HS3ST4: variants seen among roughly 807,000 people sequenced by gnomAD.
HS3ST4 encodes the protein heparan sulfate-glucosamine 3-sulfotransferase 4, also known as heparan sulfate glucosamine 3-O-sulfotransferase 4.
In HS3ST4, 17 loss-of-function variants were observed where a neutral mutation model predicts 29.2. That is an observed-to-expected ratio of 0.58 (90% CI 0.40 to 0.87). The LOEUF is 0.87. HS3ST4 is among the 40% of genes least tolerant of loss of function. The pLI is 0.00. For missense variants in HS3ST4, 627 were observed against 634.5 expected (o/e 0.99, Z 0.13); for synonymous variants, 314 against 285.7 (o/e 1.10, Z -1.00).
At chr16:25,942,235 T>C (rs1433637482) in intron 1 of HS3ST4, among the ~76,000 whole-genome samples, 1 of 152,068 alleles carries the variant, frequency 6.6e-6, no homozygotes, top group African/African-American at 2.4e-5. Context: ...AAACAAGAGA[T>C]GATGGGATAT....
At chr16:26,099,753 T>C (rs1019627077) in intron 1 of HS3ST4, among the ~76,000 whole-genome samples, 8 of 152,150 alleles carry the variant, frequency 5.3e-5, no homozygotes, top group African/African-American at 1.7e-4. Context: ...GCTTACATTC[T>C]AGTAGGCGTG....
At chr16:25,942,307 G>A (rs1380376144) in intron 1 of HS3ST4, among the ~76,000 whole-genome samples, 1 of 152,160 alleles carries the variant, frequency 6.6e-6, no homozygotes, top group Admixed American at 6.5e-5. Flanking sequence ...AGAATTCTTG[G>A]AAGAAGTGAG....
At chr16:25,808,326 G>C (rs1271111998) in intron 1 of HS3ST4, among the ~76,000 whole-genome samples, 1 of 152,176 alleles carries the variant, frequency 6.6e-6, no homozygotes, top group Non-Finnish European at 1.5e-5. Flanking sequence ...GTTTAAGTCT[G>C]TGTTTGTATT....
intron 1 of HS3ST4, among the ~76,000 whole-genome samples, chr16:25,794,938 C>T (rs1254781311): frequency 2.3e-5 from 3 of 132,618 alleles, no homozygotes; most frequent in Admixed American, 7.5e-5. Flanking sequence ...CACACACACA[C>T]ATATATATTC....
intron 1 of HS3ST4, among the ~76,000 whole-genome samples, chr16:25,749,005 G>C (rs1050039878): frequency 6.6e-6 from 1 of 152,090 alleles, no homozygotes; most frequent in Non-Finnish European, 1.5e-5. Flanking sequence ...TCCAGAGTTC[G>C]CCTATAGATG....
At position 25,861,679 on chromosome 16, in the gene HS3ST4, A is replaced by C. The variant is rs182963329; in HGVS notation, c.734+168528A>C. Among the ~76,000 whole-genome samples the C allele has an allele frequency of 2.0e-3, 301 of 152,266 alleles. 2 individuals carry two copies. The highest frequency in any genetic ancestry group is 6.8e-3 in the Middle Eastern group (2 of 294). On this transcript the variant is annotated intron_variant, in intron 1 of 1. Transcript: ENST00000331351. ...CCTTTACACTCCCTCAAATAACTCA[A>C]TCAAGACCACAGTTCCTTCCCTTTC... is the stretch of plus-strand genomic sequence containing the variant.
At chr16:26,124,385 G>C (rs1230018669) in intron 1 of HS3ST4, among the ~76,000 whole-genome samples, 2 of 151,820 alleles carry the variant, frequency 1.3e-5, no homozygotes, top group African/African-American at 4.8e-5. Flanking sequence ...TCAGTATAGT[G>C]ACCTTGGTTT....
chr16:25,692,512 C>T lies in HS3ST4; in HGVS notation c.95C>T (p.Ala32Val), dbSNP rs763197042. Residue 32 changes from alanine (A) to valine (V), a missense_variant, in exon 1 of 2, where the codon GCG becomes GTG. Physicochemically the swap from Ala to Val is moderately conservative, Grantham distance 64. This residue lies in a region of HS3ST4 where 402 missense variants were observed against 340.8 expected (regional missense o/e 1.18). Transcript: ENST00000331351. ...PPGASAKGPPARKLLFMCTLS... is the reference protein window; with the variant it reads ...PPGASAKGPPVRKLLFMCTLS... ...GGCGCCTCTGCTAAGGGGCCGCCGG[C>T]GCGCAAGCTGCTTTTTATGTGCACC... 8 of 1,420,568 alleles carry T rather than the reference C, an allele frequency of 5.6e-6. No individual in the cohort carries two copies. The highest frequency in any genetic ancestry group is 6.5e-6 in the Non-Finnish European group (7 of 1,074,896). The allele number at this position is 1,420,568 out of a possible 1,614,324, so 88.0% of individuals were successfully genotyped here. A position where few individuals can be genotyped will look rare whatever the true frequency, so the allele number is the denominator to read the frequency against.
intron 1 of HS3ST4, among the ~76,000 whole-genome samples, chr16:25,754,026 T>C (rs1966739358): frequency 6.6e-6 from 1 of 152,162 alleles, no homozygotes; most frequent in Non-Finnish European, 1.5e-5. Context: ...GACAATAATG[T>C]AATAATTATT....
chr16:26,040,911 C>T (rs4559915), intron 1 of HS3ST4, among the ~76,000 whole-genome samples: 24,625 of 151,968 alleles, frequency 0.16, 2,142 homozygotes, highest in Middle Eastern at 0.28. Flanking sequence ...CTCTGTTTTG[C>T]AGATAAGCAG....
At chr16:25,786,172 A>G (rs1033229854) in intron 1 of HS3ST4, among the ~76,000 whole-genome samples, 14 of 152,010 alleles carry the variant, frequency 9.2e-5, no homozygotes, top group African/African-American at 2.9e-4. Context: ...GTCTGGGGGG[A>G]AATGAGGAAA....
chr16:25,789,992 G>A (rs2141619258), intron 1 of HS3ST4, among the ~76,000 whole-genome samples: 1 of 152,258 alleles, frequency 6.6e-6, no homozygotes, highest in East Asian at 1.9e-4. Flanking sequence ...AATGCTTCTA[G>A]GTTTTGGCTA....
intron 1 of HS3ST4, among the ~76,000 whole-genome samples, chr16:25,941,648 C>G (rs1968573284): frequency 6.6e-6 from 1 of 152,120 alleles, no homozygotes; most frequent in South Asian, 2.1e-4. Context: ...GCAATCTCGG[C>G]TCACTGCAAG....
At chr16:25,765,857 G>A (rs1374775225) in intron 1 of HS3ST4, among the ~76,000 whole-genome samples, 5 of 152,160 alleles carry the variant, frequency 3.3e-5, no homozygotes, top group African/African-American at 1.2e-4. Flanking sequence ...TGAGGGGGCT[G>A]TGCTGGGAGG....
chr16:25,988,820 T>C (rs1969088013), intron 1 of HS3ST4, among the ~76,000 whole-genome samples: 1 of 151,428 alleles, frequency 6.6e-6, no homozygotes, highest in Admixed American at 6.6e-5. Context: ...GACACAAGTT[T>C]ACCTAGGTAA....
At chr16:25,693,294 G>T in intron 1 of HS3ST4, 143 bp downstream of exon 1, 2 of 884,846 alleles carry the variant, frequency 2.3e-6, no homozygotes, top group South Asian at 4.0e-5. Context: ...CCCTGGCGGC[G>T]TTGCTCAGGG....
At chr16:25,715,479 G>A (rs560315423) in intron 1 of HS3ST4, among the ~76,000 whole-genome samples, 1 of 152,246 alleles carries the variant, frequency 6.6e-6, no homozygotes, top group South Asian at 2.1e-4. Flanking sequence ...GTTTGTGTGT[G>A]GTTATTGCTC....
At chr16:25,941,649 T>G (rs1470778500) in intron 1 of HS3ST4, among the ~76,000 whole-genome samples, 1 of 152,172 alleles carries the variant, frequency 6.6e-6, no homozygotes, top group Non-Finnish European at 1.5e-5. Flanking sequence ...CAATCTCGGC[T>G]CACTGCAAGC....
Position 25,692,903 on chromosome 16 carries a change from G to C in HS3ST4, c.486G>C (p.Gln162His), listed in dbSNP as rs1388096434. 6.3e-7 allele frequency: 1 copy of C among 1,588,982 alleles called. No homozygotes were observed. The highest frequency in any genetic ancestry group is 1.8e-5 in the Admixed American group (1 of 56,434). ...GCGCGCTGCCGGAGAGGGAAGCGCA[G>C]GAGTCCAGCACCACCGACGAGGATC... ...AQSALPEREAQESSTTDEDLA... is the reference protein window; with the variant it reads ...AQSALPEREAHESSTTDEDLA... The change falls in exon 1 of 2, where the codon CAG (glutamine) becomes CAC (histidine). Residue 162 changes from glutamine (Q) to histidine (H), a missense_variant. This residue lies in a region of HS3ST4 where 402 missense variants were observed against 340.8 expected (regional missense o/e 1.18). Transcript: ENST00000331351.
Sources: allele counts gnomAD v4.1 joint callset (sites outside exome capture counted in the v4.1 genomes callset), GRCh38; gene constraint gnomAD v4.1.1; regional missense constraint gnomAD v4.1.1; transcripts MANE v1.5; gene names NCBI Gene and HGNC (gene_info 2026-07-23, HGNC 2026-07-21).